BCL7A: variants seen among roughly 807,000 people sequenced by gnomAD.
BCL7A encodes the protein B-cell CLL/lymphoma 7 protein family member A.
BCL7A carries 11 observed loss-of-function variants against 28.4 expected under a neutral mutation model. The ratio of observed to expected loss-of-function variants is 0.39; its 90% CI spans 0.24 to 0.64. BCL7A has a LOEUF of 0.64. Among genes scored for constraint, BCL7A ranks in the 30% least tolerant of loss-of-function variants. The probability of loss-of-function intolerance (pLI) is 0.50; values close to 1 mark genes in which losing one functional copy is unlikely to be tolerated. For synonymous variants in BCL7A, 123 were observed against 103.3 expected, an observed-to-expected ratio of 1.19 and a Z score of -1.15; for missense variants, 222 against 274.8, an observed-to-expected ratio of 0.81 and a Z score of 1.36.
intron 2 of BCL7A, 83 bp from the exon 3 acceptor site, chr12:122,035,248 C>T: frequency 7.7e-7 from 1 of 1,298,836 alleles, no homozygotes. Context: ...ATAAAATATT[C>T]ACACCACTCC....
At chr12:122,055,062 T>C in intron 5 of BCL7A, 136 bp downstream of exon 5, 5 of 1,543,640 alleles carry the variant, frequency 3.2e-6, no homozygotes, top group Admixed American at 1.7e-5. Context: ...CATTTGTCCA[T>C]TGGGCTATGT....
intron 4 of BCL7A, among the ~76,000 whole-genome samples, chr12:122,052,194 T>TAA (rs201865031): frequency 6.7e-6 from 1 of 149,694 alleles, no homozygotes; most frequent in Non-Finnish European, 1.5e-5. Flanking sequence ...CCCTCTCTTT[T>TAA]AAAAAAAAAA....
In BCL7A at chr12:122,060,313, C is replaced by T. The variant is rs1488148766; in HGVS notation, c.*1150C>T. 6 of 232,858 alleles carry T rather than the reference C, an allele frequency of 2.6e-5. No homozygotes were observed. Among genetic ancestry groups the T allele is most frequent in the East Asian group, 2.4e-4 (4 of 16,476 alleles). 14.4% of individuals were successfully genotyped at this position (232,858 alleles called of 1,614,324 possible). A position where few individuals can be genotyped will look rare whatever the true frequency, so the allele number is the denominator to read the frequency against. On this transcript the variant is annotated 3_prime_UTR_variant, in exon 6 of 6. Coordinates refer to ENST00000261822, the MANE Select transcript of BCL7A (RefSeq NM_001024808.3). Reference sequence around the variant, plus strand: ...AGCCAACAGCTGGACCGTGTCTCATCCCCAGAACATGCCGTCTGTCCCCAC... The same window carrying T: ...AGCCAACAGCTGGACCGTGTCTCATTCCCAGAACATGCCGTCTGTCCCCAC...
intron 4 of BCL7A, among the ~76,000 whole-genome samples, chr12:122,049,225 TAAAA>T (rs72232692): frequency 1.7e-5 from 2 of 119,730 alleles, no homozygotes; most frequent in Admixed American, 9.0e-5. Flanking sequence ...GACCCTGTCT[TAAAA>T]AAAAAAAAAA....
Position 122,061,708 on chromosome 12 carries a change from C to T in BCL7A, c.*2545C>T, listed in dbSNP as rs1951924897. On this transcript the variant is annotated 3_prime_UTR_variant, in exon 6 of 6. Transcript: ENST00000261822. ...CTCCCAGGGCAAACCTAATTCCCCC[C>T]AAAACGTGAAGTCGGGGAAGCTGCG... The T allele has an allele frequency of 4.3e-6, 1 of 231,240 alleles. No homozygotes were observed. Among genetic ancestry groups the T allele is most frequent in the Admixed American group, 5.7e-5 (1 of 17,690 alleles). 14.3% of individuals were successfully genotyped at this position (231,240 alleles called of 1,614,324 possible).
chr12:122,028,036 T>C (rs1883667385), intron 1 of BCL7A, among the ~76,000 whole-genome samples: 1 of 152,092 alleles, frequency 6.6e-6, no homozygotes, highest in Non-Finnish European at 1.5e-5. Flanking sequence ...AAATCCCATG[T>C]CCTCCTGGGT....
chr12:122,041,461 G>A (rs1439333152), intron 3 of BCL7A, among the ~76,000 whole-genome samples: 1 of 152,174 alleles, frequency 6.6e-6, no homozygotes, highest in Non-Finnish European at 1.5e-5. Flanking sequence ...TTGGGTCTCT[G>A]CTGTTTAAAA....
chr12:122,042,196 T>C (rs1342991276), intron 3 of BCL7A, among the ~76,000 whole-genome samples: 1 of 152,208 alleles, frequency 6.6e-6, no homozygotes, highest in African/African-American at 2.4e-5. Context: ...CTTCTCTTTC[T>C]TCTTTGTATT....
At position 122,025,593 on chromosome 12, in the gene BCL7A, C is replaced by T. The variant is rs139985157; in HGVS notation, c.92+3410C>T. Among the ~76,000 whole-genome samples, 1,188 of 151,038 alleles carry T rather than the reference C, an allele frequency of 7.9e-3. 18 individuals are homozygous for T. Among genetic ancestry groups the T allele is most frequent in the African/African-American group, 0.028 (1,133 of 41,148 alleles). On this transcript the variant is annotated intron_variant, in intron 1 of 5. Coordinates refer to ENST00000261822, the MANE Select transcript of BCL7A (RefSeq NM_001024808.3). ...AGTGAGCGGAGATTGCGCCACCGCA[C>T]TCCAGCCTGGGCAACAGAGCGAGAC...
chr12:122,048,634 C>T (rs1884125563), intron 4 of BCL7A, among the ~76,000 whole-genome samples: 2 of 151,980 alleles, frequency 1.3e-5, no homozygotes, highest in Admixed American at 1.3e-4. Context: ...GCCTGTGGTC[C>T]CAGCTACTTG....
chr12:122,047,210 G>C (rs1320283398), intron 4 of BCL7A, among the ~76,000 whole-genome samples: 1 of 151,546 alleles, frequency 6.6e-6, no homozygotes. Context: ...ACTATTTCTT[G>C]GTTTTTGTTT....
chr12:122,039,086 G>T (rs1883913985), intron 3 of BCL7A, among the ~76,000 whole-genome samples: 1 of 151,902 alleles, frequency 6.6e-6, no homozygotes, highest in South Asian at 2.1e-4. Flanking sequence ...CATGAGGTTG[G>T]GAGATCGAGA....
chr12:122,055,516 A>G (rs1316590767), intron 5 of BCL7A, among the ~76,000 whole-genome samples: 15 of 152,192 alleles, frequency 9.9e-5, no homozygotes, highest in Non-Finnish European at 1.8e-4. Flanking sequence ...CACCGTGAGG[A>G]TTCGATGGGA....
At chr12:122,028,737 G>A (rs546049073) in intron 1 of BCL7A, among the ~76,000 whole-genome samples, 1 of 152,286 alleles carries the variant, frequency 6.6e-6, no homozygotes, top group East Asian at 1.9e-4. Context: ...GGTGACAATC[G>A]TCCCCCTCTT....
chr12:122,044,918 G>A (rs1450336898), intron 4 of BCL7A, among the ~76,000 whole-genome samples: 1 of 152,186 alleles, frequency 6.6e-6, no homozygotes, highest in East Asian at 1.9e-4. Context: ...TATAAAGTAG[G>A]AAAGGGGTGG....
At chr12:122,051,544 GC>G (rs904523812) in intron 4 of BCL7A, among the ~76,000 whole-genome samples, 6 of 152,210 alleles carry the variant, frequency 3.9e-5, no homozygotes, top group African/African-American at 1.4e-4. Flanking sequence ...GCTCCTGAAT[GC>G]TCTGTGGGTT....
chr12:122,040,541 A>C (rs1011034405), intron 3 of BCL7A, among the ~76,000 whole-genome samples: 8 of 151,638 alleles, frequency 5.3e-5, no homozygotes, highest in African/African-American at 9.7e-5. Flanking sequence ...CCAAAAAAAA[A>C]AAAAAAAAAC....
chr12:122,046,303 C>G (rs1191915705), intron 4 of BCL7A, among the ~76,000 whole-genome samples: 2 of 152,060 alleles, frequency 1.3e-5, no homozygotes, highest in East Asian at 3.9e-4. Flanking sequence ...GAGCGCCTTG[C>G]ACACCCATGA....
chr12:122,044,798 C>T (rs554229120), intron 4 of BCL7A, among the ~76,000 whole-genome samples: 1 of 152,162 alleles, frequency 6.6e-6, no homozygotes, highest in East Asian at 1.9e-4. Context: ...TGAACTCCAG[C>T]CTGGGTGACA....
Sources: gnomAD v4.1 joint callset for allele counts (sites outside exome capture counted in the v4.1 genomes callset) on GRCh38, gnomAD v4.1.1 for gene constraint, MANE v1.5 for transcripts, NCBI Gene and HGNC (gene_info 2026-07-23, HGNC 2026-07-21) for gene names.